Variants in DISP3 observed in about 807,000 individuals in gnomAD.
DISP3 encodes the protein dispatched RND transporter family member 3, also known as protein dispatched homolog 3.
DISP3 carries 101 observed loss-of-function variants against 135.3 expected under a neutral mutation model. The observed-to-expected ratio is 0.75, with a 90% confidence interval of 0.64 to 0.88. The LOEUF (loss-of-function observed/expected upper bound fraction) is 0.88, where lower values mean the gene tolerates loss of function less well. Ranked by LOEUF, DISP3 falls within the 40% of genes least tolerant of loss-of-function variation. DISP3 has a pLI of 0.00. For missense variants in DISP3, 1,713 were observed against 1,878.6 expected (o/e 0.91, Z 1.63); for synonymous variants, 856 against 817.0 (o/e 1.05, Z -0.81).
intron 12 of DISP3, among the ~76,000 whole-genome samples, chr1:11,525,832 CA>C (rs1642400076): frequency 6.6e-6 from 1 of 152,106 alleles, no homozygotes. Flanking sequence ...GGGGGGAGGA[CA>C]GGGGCTTGCT....
Position 11,525,315 on chromosome 1 carries a change from G to A in DISP3, c.2613+3G>A, listed in dbSNP as rs759922420. The A allele has an allele frequency of 6.2e-7, 1 of 1,612,016 alleles. No homozygotes were observed. Among genetic ancestry groups the A allele is most frequent in the African/African-American group, 1.3e-5 (1 of 74,900 alleles). ...ATGGAGAGGTGCCCTCCTTCCAGGT[G>A]AGCCTGGGCTGTCGTGAAGTGAGCC... is the stretch of plus-strand genomic sequence containing the variant. On this transcript the variant is annotated splice_donor_region_variant and intron_variant, in intron 12 of 20. Transcript: ENST00000294484.
chr1:11,491,334 G>T lies in DISP3; in HGVS notation c.-3-9656G>T, dbSNP rs1391964443. ...AAATACAGATTCCAGGTTGGGCATG[G>T]TGGCTGACACCTACTGTAATTCCAA... On this transcript the variant is annotated intron_variant, in intron 1 of 20. Transcript: ENST00000294484. This position sits in a 1 kb window ranked among gnomAD's most constrained non-coding sequence, Gnocchi z 4.3. Among the ~76,000 whole-genome samples the T allele has an allele frequency of 1.3e-5, 2 of 152,202 alleles. No individual in the cohort carries two copies. Among genetic ancestry groups the T allele is most frequent in the Non-Finnish European group, 2.9e-5 (2 of 68,042 alleles).
rs755810341 is a variant in DISP3 at position 11,535,517 on chromosome 1, G to C, written c.3689G>C (p.Gly1230Ala). 3.8e-5 allele frequency: 62 copies of C among 1,612,930 alleles called. No homozygotes were observed. Among genetic ancestry groups the C allele is most frequent in the Non-Finnish European group, 4.7e-5 (55 of 1,179,796 alleles). Residue 1230 changes from glycine to alanine, a missense_variant, in exon 20 of 21, where the codon GGC (glycine) becomes GCC (alanine). Coordinates refer to ENST00000294484, the MANE Select transcript of DISP3 (RefSeq NM_020780.2). ...GTGGTGACCATCATGTACTGGAGCG[G>C]CTGGGAGATGGGGGCTGTGGAAGCC... ...CLVVTIMYWS[G>A]WEMGAVEAIS...
At chr1:11,518,476 C>CT (rs1642074790) in intron 7 of DISP3, among the ~76,000 whole-genome samples, 1 of 152,218 alleles carries the variant, frequency 6.6e-6, no homozygotes, top group Non-Finnish European at 1.5e-5. Context: ...TCAGATTTGA[C>CT]TGTTTTCCGT....
At chr1:11,514,883 G>T (rs1013829390) in intron 4 of DISP3, among the ~76,000 whole-genome samples, 7 of 152,128 alleles carry the variant, frequency 4.6e-5, no homozygotes, top group Non-Finnish European at 2.9e-5. Flanking sequence ...ACTGCCATCT[G>T]CCCCCCGATC....
chr1:11,517,691 CT>C (rs1479903448), intron 7 of DISP3, 89 bp downstream of exon 7: 18 of 1,492,872 alleles, frequency 1.2e-5, no homozygotes, highest in Non-Finnish European at 1.6e-5. Context: ...TTCCAAAAGC[CT>C]TCTGTATGAC....
rs1642026968 is a variant in DISP3, at chr1:11,516,870, G to A, written c.1750-593G>A. Among the ~76,000 whole-genome samples, 1 of 152,206 alleles carries A rather than the reference G, an allele frequency of 6.6e-6. No individual in the cohort carries two copies. Among genetic ancestry groups the A allele is most frequent in the African/African-American group, 2.4e-5 (1 of 41,452 alleles). ...TGCAGTGTGACCTTGGGCAGGCTGTGTGACCTCTCTGAGCCTCGCTTTCCT... is the reference window on the plus strand; with the variant it reads ...TGCAGTGTGACCTTGGGCAGGCTGTATGACCTCTCTGAGCCTCGCTTTCCT... On this transcript the variant is annotated intron_variant, in intron 6 of 20. Transcript: ENST00000294484. The surrounding 1 kb of genome is among the most constrained non-coding windows in gnomAD (Gnocchi z 5.1).
rs1570141216 is a variant in DISP3 at position 11,526,718 on chromosome 1, T to C, written c.2681T>C (p.Leu894Pro). 6.2e-7 allele frequency: 1 copy of C among 1,614,006 alleles called. No homozygotes were observed. Among genetic ancestry groups the C allele is most frequent in the Non-Finnish European group, 8.5e-7 (1 of 1,180,034 alleles). ...GCTTGTATGTCTACAGTAGGGCTGCTCCAGGCGGCGAGCCCCTCCCGCAAG... is the reference window on the plus strand; with the variant it reads ...GCTTGTATGTCTACAGTAGGGCTGCCCCAGGCGGCGAGCCCCTCCCGCAAG... ...LTACMSTVGL[L>P]QAASPSRKWM... The change falls in exon 13 of 21, where the codon CTC (leucine) becomes CCC (proline). Residue 894 changes from leucine to proline, a missense_variant. Physicochemically the swap from Leu to Pro is moderately conservative, Grantham distance 98. This residue lies in a region of DISP3 where 1,142 missense variants were observed against 1,384.6 expected (regional missense o/e 0.82). Transcript: ENST00000294484.
chr1:11,517,411 CT>C, intron 6 of DISP3, 51 bp from the exon 7 acceptor site: 2 of 1,600,566 alleles, frequency 1.2e-6, no homozygotes, highest in Non-Finnish European at 1.7e-6. Flanking sequence ...CCCAGGCCCC[CT>C]GACTGCAGGT....
chr1:11,497,193 T>C (rs1641358150), intron 1 of DISP3, among the ~76,000 whole-genome samples: 1 of 152,072 alleles, frequency 6.6e-6, no homozygotes, highest in Non-Finnish European at 1.5e-5. Flanking sequence ...AGTTCTTTTT[T>C]TAAAAAAAAT....
chr1:11,534,659 CCG>C (rs1642660888), intron 18 of DISP3, 119 bp downstream of exon 18: 1 of 1,339,958 alleles, frequency 7.5e-7, no homozygotes, highest in African/African-American at 1.5e-5. Flanking sequence ...CCTGAGGAAA[CCG>C]GGTGGCACGG....
chr1:11,523,663 G>A (rs1163195076), intron 10 of DISP3, among the ~76,000 whole-genome samples: 1 of 151,740 alleles, frequency 6.6e-6, no homozygotes, highest in Non-Finnish European at 1.5e-5. Context: ...GCAAGCAGGG[G>A]GCAGAGTGGC....
intron 1 of DISP3, among the ~76,000 whole-genome samples, chr1:11,480,652 A>C (rs1335718379): frequency 6.7e-6 from 1 of 148,964 alleles, no homozygotes; most frequent in South Asian, 2.1e-4. Context: ...AAGCACAGAC[A>C]CACTTCCACC....
intron 3 of DISP3, among the ~76,000 whole-genome samples, chr1:11,505,423 C>T (rs1050876012): frequency 2.0e-5 from 3 of 152,196 alleles, no homozygotes; most frequent in South Asian, 2.1e-4. Flanking sequence ...AGGACTTTCA[C>T]GGTTTTAGGT....
At chr1:11,479,877 G>A (rs1436747561) in intron 1 of DISP3, among the ~76,000 whole-genome samples, 1 of 152,000 alleles carries the variant, frequency 6.6e-6, no homozygotes, top group Non-Finnish European at 1.5e-5. Flanking sequence ...ACATTTCCCC[G>A]ATTAACCTGG....
At chr1:11,533,844 C>T (rs1642638575) in intron 17 of DISP3, 1 of 717,810 alleles carries the variant, frequency 1.4e-6, no homozygotes, top group African/African-American at 1.7e-5. Context: ...GCCTATTTCT[C>T]TCATTCATCA....
intron 12 of DISP3, among the ~76,000 whole-genome samples, chr1:11,525,825 G>A (rs1018837509): frequency 6.6e-6 from 1 of 152,064 alleles, no homozygotes; most frequent in Non-Finnish European, 1.5e-5. Flanking sequence ...TGGGGGTGGG[G>A]GGAGGACAGG....
chr1:11,519,977 T>G lies in DISP3; in HGVS notation c.2200+97T>G. 1 of 1,271,590 alleles carries G rather than the reference T, an allele frequency of 7.9e-7. No individual in the cohort carries two copies. The highest frequency in any genetic ancestry group is 1.4e-5 in the South Asian group (1 of 71,196). 78.8% of individuals were successfully genotyped at this position (1,271,590 alleles called of 1,614,324 possible). A position where few individuals can be genotyped will look rare whatever the true frequency, so the allele number is the denominator to read the frequency against. ...ACCCCCTCTCGCAGATGCCCCAGGG[T>G]CAGAGGCCTGGGCTGGGGTCTCTCC... On this transcript the variant is annotated intron_variant, in intron 9 of 20. Transcript: ENST00000294484. This position sits in a 1 kb window ranked among gnomAD's most constrained non-coding sequence, Gnocchi z 4.3.
At position 11,501,838 on chromosome 1, in the gene DISP3, C is replaced by G. The variant is rs758098837; in HGVS notation, c.846C>G (p.Arg282=). ...HWRIELIFLA[R]GDAERNIFTS... is the part of the protein sequence containing the mutation. ...GCATCGAGCTCATCTTCCTGGCGCGCGGCGACGCGGAGCGCAACATTTTCA... is the reference window on the plus strand; with the variant it reads ...GCATCGAGCTCATCTTCCTGGCGCGGGGCGACGCGGAGCGCAACATTTTCA... The change falls in exon 2 of 21, where the codon CGC becomes CGG. Residue 282 remains arginine (R), a synonymous_variant. Coordinates refer to ENST00000294484, the MANE Select transcript of DISP3 (RefSeq NM_020780.2). This position sits in a 1 kb window ranked among gnomAD's most constrained non-coding sequence, Gnocchi z 4.9. 7 of 1,611,518 alleles carry G rather than the reference C, an allele frequency of 4.3e-6. No individual in the cohort carries two copies. Among genetic ancestry groups the G allele is most frequent in the South Asian group, 1.1e-5 (1 of 90,866 alleles).
Sources: gnomAD v4.1 joint callset for allele counts (sites outside exome capture counted in the v4.1 genomes callset) on GRCh38, gnomAD v4.1.1 for gene constraint, gnomAD v4.1.1 regional missense constraint, Gnocchi (gnomAD v3.1) non-coding constraint, MANE v1.5 for transcripts, NCBI Gene and HGNC (gene_info 2026-07-23, HGNC 2026-07-21) for gene names.